Variants in ADGRV1 observed in about 807,000 individuals in gnomAD.
ADGRV1 encodes adhesion G protein-coupled receptor V1.
Under a neutral mutation model 596.2 loss-of-function variants are expected in ADGRV1, and 359 were observed. The ratio of observed to expected loss-of-function variants is 0.60; its 90% CI spans 0.55 to 0.66. The LOEUF is 0.66. ADGRV1 is among the 30% of genes least tolerant of loss of function. The pLI is 0.00. For missense variants in ADGRV1, 7,274 were observed against 7,575.6 expected (o/e 0.96, Z 1.48); for synonymous variants, 2,681 against 2,679.2 (o/e 1.00, Z -0.02).
At chr5:90,643,153 G>T (rs2149430574) in intron 13 of ADGRV1, 112 bp downstream of exon 13, 1 of 964,730 alleles carries the variant, frequency 1.0e-6, no homozygotes, top group East Asian at 2.7e-5. Flanking sequence ...AGGTGGGCAA[G>T]AAAAGACTGA....
In ADGRV1 at chr5:91,151,559, A is replaced by G. The variant is rs78512715; in HGVS notation, c.18624+1338A>G. Among the ~76,000 whole-genome samples the G allele has an allele frequency of 3.4e-4, 52 of 152,330 alleles. No individual in the cohort carries two copies. In the East Asian group the frequency reaches 7.7e-3, roughly 23 times the overall value. On this transcript the variant is annotated intron_variant, in intron 88 of 89. Coordinates refer to ENST00000405460, the MANE Select transcript of ADGRV1 (RefSeq NM_032119.4). ...GACTTATTTCATCACAGCAGGCCCA[A>G]TGGAAACAGGGACTTTTTTAGGATC...
At position 91,132,989 on chromosome 5, in the gene ADGRV1, T is replaced by C. The variant is rs76688505; in HGVS notation, c.18433-17041T>C. 7.6e-3 allele frequency among the ~76,000 whole-genome samples: 1,164 copies of C among 152,258 alleles called. 20 individuals carry two copies. The highest frequency in any genetic ancestry group is 0.027 in the African/African-American group (1,119 of 41,538). ...AGTAGTGGTAATCATTAAAGTGTTA[T>C]AGGTAGTGAAGTTGCATCTTCTATT... On this transcript the variant is annotated intron_variant, in intron 87 of 89. Transcript: ENST00000405460.
chr5:90,597,476 G>A (rs1446388982), intron 1 of ADGRV1, among the ~76,000 whole-genome samples: 3 of 152,056 alleles, frequency 2.0e-5, no homozygotes, highest in Non-Finnish European at 4.4e-5. Flanking sequence ...TCAAAATGTG[G>A]GCATAACATT....
intron 58 of ADGRV1, among the ~76,000 whole-genome samples, chr5:90,760,559 G>A (rs1398931410): frequency 6.6e-6 from 1 of 152,152 alleles, no homozygotes. Context: ...TCTGTCATGG[G>A]TCTGGGTGTT....
rs1762352001 is a variant in ADGRV1 at position 90,810,633 on chromosome 5, T to C, written c.15373T>C (p.Leu5125=). The change falls in exon 74 of 90, where the codon TTG becomes CTG. Residue 5125 remains leucine, a synonymous_variant. Coordinates refer to ENST00000405460, the MANE Select transcript of ADGRV1 (RefSeq NM_032119.4). ...TTTCAGTGTTGCAGTGATTACAATA[T>C]TGGATAATGATGACCTGGCAGGAAT... ...LDFSVAVITI[L]DNDDLAGMDI... 2 of 1,613,812 alleles carry C rather than the reference T, an allele frequency of 1.2e-6. No homozygotes were observed. The highest frequency in any genetic ancestry group is 1.7e-6 in the Non-Finnish European group (2 of 1,179,872).
Position 90,783,925 on chromosome 5 carries a change from A to C in ADGRV1, c.13521A>C (p.Ile4507=). Residue 4507 remains isoleucine, a synonymous_variant, in exon 67 of 90, where the codon ATA becomes ATC. Coordinates refer to ENST00000405460, the MANE Select transcript of ADGRV1 (RefSeq NM_032119.4). ...LGRHLVSRII[I]AKSDSPFGVI... ...GCCACCTAGTGAGCAGAATCATAATAGCTAAGAGTGACTCTCCCTTTGGAG... is the reference window on the plus strand; with the variant it reads ...GCCACCTAGTGAGCAGAATCATAATCGCTAAGAGTGACTCTCCCTTTGGAG... The C allele has an allele frequency of 6.2e-7, 1 of 1,612,516 alleles. No homozygotes were observed. The highest frequency in any genetic ancestry group is 8.5e-7 in the Non-Finnish European group (1 of 1,179,308).
chr5:91,087,655 A>G (rs1370431741), intron 86 of ADGRV1, among the ~76,000 whole-genome samples: 1 of 152,200 alleles, frequency 6.6e-6, no homozygotes, highest in East Asian at 1.9e-4. Context: ...TGCTGAAGAA[A>G]TATATTTCTT....
intron 83 of ADGRV1, among the ~76,000 whole-genome samples, chr5:90,959,435 A>C (rs1777777183): frequency 6.6e-6 from 1 of 152,172 alleles, no homozygotes; most frequent in African/African-American, 2.4e-5. Flanking sequence ...ATTGAAATTC[A>C]GCTTTCTTTT....
intron 38 of ADGRV1, 77 bp from the exon 39 acceptor site, chr5:90,708,739 T>C: frequency 2.2e-6 from 2 of 897,842 alleles, no homozygotes; most frequent in Non-Finnish European, 1.8e-6. Flanking sequence ...TTATACAGTT[T>C]AATTTAAAAA....
intron 77 of ADGRV1, among the ~76,000 whole-genome samples, chr5:90,838,517 T>A (rs543315872): frequency 6.6e-6 from 1 of 152,162 alleles, no homozygotes; most frequent in Non-Finnish European, 1.5e-5. Context: ...CCTCTCCTGA[T>A]CCAGACCCAT....
rs770827231 is a variant in ADGRV1, at chr5:90,788,230, G to A, written c.13813G>A (p.Glu4605Lys). 6.2e-7 allele frequency: 1 copy of A among 1,613,100 alleles called. No homozygotes were observed. The highest frequency in any genetic ancestry group is 8.5e-7 in the Non-Finnish European group (1 of 1,179,128). The change falls in exon 68 of 90, where the codon GAA becomes AAA. Residue 4605 changes from glutamate to lysine, a missense_variant. Coordinates refer to ENST00000405460, the MANE Select transcript of ADGRV1 (RefSeq NM_032119.4). ...CTATCCTCATGAAGAAATTGAAGTT[G>A]AAGAGACATTCATTATTAAACTTCA... ...TIYPHEEIEV[E>K]ETFIIKLHLV...
chr5:91,034,781 A>T (rs980986318), intron 85 of ADGRV1, among the ~76,000 whole-genome samples: 4 of 152,240 alleles, frequency 2.6e-5, no homozygotes, highest in Admixed American at 6.5e-5. Context: ...AAAACAGCAT[A>T]ATGGGTGTTT....
At chr5:90,638,041 A>G in intron 11 of ADGRV1, 93 bp downstream of exon 11, 1 of 901,068 alleles carries the variant, frequency 1.1e-6, no homozygotes, top group Non-Finnish European at 1.6e-6. Flanking sequence ...TTTCTATATA[A>G]AGTAAAAAAA....
At chr5:90,640,490 C>T (rs1159846870) in intron 11 of ADGRV1, among the ~76,000 whole-genome samples, 5 of 151,918 alleles carry the variant, frequency 3.3e-5, no homozygotes, top group African/African-American at 9.7e-5. Context: ...GAAATTTGTT[C>T]AGCTGCTGTG....
chr5:90,659,340 G>A (rs1769899641), intron 21 of ADGRV1, among the ~76,000 whole-genome samples: 1 of 152,158 alleles, frequency 6.6e-6, no homozygotes, highest in Non-Finnish European at 1.5e-5. Context: ...CCATAATATA[G>A]GTGCGTTATT....
At chr5:90,843,355 C>T (rs1459179208) in intron 78 of ADGRV1, among the ~76,000 whole-genome samples, 1 of 152,126 alleles carries the variant, frequency 6.6e-6, no homozygotes, top group Admixed American at 6.5e-5. Flanking sequence ...AGTTCAAAAA[C>T]TGAAGCATAG....
At position 90,811,200 on chromosome 5, in the gene ADGRV1, G is replaced by A. The variant is rs1017009772; in HGVS notation, c.15940G>A (p.Val5314Ile). Residue 5314 changes from valine to isoleucine, a missense_variant, in exon 74 of 90, where the codon GTT becomes ATT. Around this residue, in one of 5 missense-constraint regions of ADGRV1, gnomAD observed 1,874 missense variants for 1,970.2 expected, o/e 0.95. Coordinates refer to ENST00000405460, the MANE Select transcript of ADGRV1 (RefSeq NM_032119.4). ...LDGERERKVS[V>I]QILDDDEPEG... ...TGGAGAAAGAGAACGTAAAGTATCA[G>A]TTCAAATTTTGGATGATGATGAGCC... 11 of 1,613,380 alleles carry A rather than the reference G, an allele frequency of 6.8e-6. No individual in the cohort carries two copies. Among genetic ancestry groups the A allele is most frequent in the Non-Finnish European group, 9.3e-6 (11 of 1,179,666 alleles).
chr5:90,825,503 T>A (rs1763998050), intron 76 of ADGRV1, among the ~76,000 whole-genome samples: 1 of 152,208 alleles, frequency 6.6e-6, no homozygotes, highest in African/African-American at 2.4e-5. Context: ...AAATATTATA[T>A]TGTGCATTTT....
chr5:90,860,269 A>G (rs1767426160), intron 82 of ADGRV1, among the ~76,000 whole-genome samples: 1 of 152,076 alleles, frequency 6.6e-6, no homozygotes. Flanking sequence ...TTTATACTGT[A>G]AAATGCTTCG....
Sources: gnomAD v4.1 joint callset for allele counts (sites outside exome capture counted in the v4.1 genomes callset) on GRCh38, gnomAD v4.1.1 for gene constraint, gnomAD v4.1.1 regional missense constraint, MANE v1.5 for transcripts, NCBI Gene and HGNC (gene_info 2026-07-23, HGNC 2026-07-21) for gene names.